Variants in CACHD1 observed in about 807,000 individuals in gnomAD.
CACHD1 encodes the protein cache domain containing 1.
Under a neutral mutation model 138.7 loss-of-function variants are expected in CACHD1, and 71 were observed. The observed-to-expected ratio is 0.51, with a 90% CI of 0.42 to 0.62. The LOEUF (loss-of-function observed/expected upper bound fraction) is 0.62. Among genes scored for constraint, CACHD1 ranks in the 20% least tolerant of loss-of-function variants. The pLI, the probability that CACHD1 is intolerant of heterozygous loss-of-function variation, is 0.00. For missense variants in CACHD1, 1,389 were observed against 1,625.3 expected, an observed-to-expected ratio of 0.85 and a Z score of 2.50; for synonymous variants, 578 against 591.5, an observed-to-expected ratio of 0.98 and a Z score of 0.33.
chr1:64,625,286 G>C (rs941094184), intron 4 of CACHD1, among the ~76,000 whole-genome samples: 4 of 152,126 alleles, frequency 2.6e-5, no homozygotes, highest in African/African-American at 7.2e-5. Context: ...ATAGACACTG[G>C]GGACTTGGAA....
At chr1:64,556,501 C>T (rs1646798107) in intron 2 of CACHD1, among the ~76,000 whole-genome samples, 1 of 151,976 alleles carries the variant, frequency 6.6e-6, no homozygotes, top group Admixed American at 6.6e-5. Flanking sequence ...GGGTTCTTGC[C>T]CTCCCTCTTT....
chr1:64,668,219 C>A (rs1001980314), intron 16 of CACHD1, among the ~76,000 whole-genome samples: 17 of 151,806 alleles, frequency 1.1e-4, no homozygotes, highest in East Asian at 1.9e-4. Context: ...CCCAGCTACT[C>A]AGGAGGCTGA....
intron 23 of CACHD1, among the ~76,000 whole-genome samples, chr1:64,678,791 G>T: frequency 6.6e-6 from 1 of 152,134 alleles, no homozygotes; most frequent in East Asian, 1.9e-4. Context: ...AGCTTAGGAT[G>T]AAGCACAAGG....
intron 1 of CACHD1, among the ~76,000 whole-genome samples, chr1:64,489,820 G>A (rs1314479086): frequency 1.3e-5 from 2 of 152,158 alleles, no homozygotes; most frequent in African/African-American, 4.8e-5. Flanking sequence ...TGGGTGTGTG[G>A]GGATGATAGA....
intron 1 of CACHD1, among the ~76,000 whole-genome samples, chr1:64,493,394 C>T (rs1355720995): frequency 2.6e-5 from 4 of 152,176 alleles, no homozygotes; most frequent in Admixed American, 2.0e-4. Flanking sequence ...TAGTCGAGCA[C>T]TTCACTTACC....
chr1:64,485,711 G>T (rs1484634098), intron 1 of CACHD1, among the ~76,000 whole-genome samples: 1 of 152,118 alleles, frequency 6.6e-6, no homozygotes, highest in East Asian at 1.9e-4. Context: ...CTCTTGAGTG[G>T]CTGTGACCAC....
chr1:64,649,306 C>T (rs537564829), intron 9 of CACHD1, among the ~76,000 whole-genome samples: 50 of 152,266 alleles, frequency 3.3e-4, no homozygotes, highest in African/African-American at 1.2e-3. Context: ...AAGCAGTCCT[C>T]CCACCTTTGC....
chr1:64,543,402 CATATATATAT>C lies in CACHD1; in HGVS notation c.199-7177_199-7168del, dbSNP rs140966471. Among the ~76,000 whole-genome samples the C allele has an allele frequency of 3.3e-4, 42 of 126,872 alleles. 6 individuals are homozygous for C. The highest frequency in any genetic ancestry group is 9.1e-4 in the African/African-American group (28 of 30,612). 83.2% of individuals were successfully genotyped at this position (126,872 alleles called of 152,430 possible). ...GAGATCCTATCTCTAAAAAAAAATA[CATATATATAT>C]ATATATATATATATTTAAATTAGCC... On this transcript the variant is annotated intron_variant, in intron 1 of 26. Coordinates refer to ENST00000651257, the MANE Select transcript of CACHD1 (RefSeq NM_020925.4).
rs2100727293 is a variant in CACHD1 at position 64,675,969 on chromosome 1, C to A, written c.2961C>A (p.Thr987=). ...TCAATGAGTGCACTGGCAACCTCAC[C>A]AATGCAGAGAACCGGTAAAATAATT... ...LEVNECTGNL[T]NAENRNPSCE... Residue 987 remains threonine, a synonymous_variant, in exon 21 of 27, where the codon ACC becomes ACA. Coordinates refer to ENST00000651257, the MANE Select transcript of CACHD1 (RefSeq NM_020925.4). The A allele has an allele frequency of 7.4e-7, 1 of 1,354,272 alleles. No homozygotes were observed. The allele number at this position is 1,354,272 out of a possible 1,614,324, so 83.9% of individuals were successfully genotyped here.
At chr1:64,523,392 T>TA (rs1646512631) in intron 1 of CACHD1, among the ~76,000 whole-genome samples, 1 of 152,244 alleles carries the variant, frequency 6.6e-6, no homozygotes, top group Non-Finnish European at 1.5e-5. Flanking sequence ...TTGTTTTTAA[T>TA]ATAGCATTGA....
chr1:64,496,302 T>C (rs1391797747), intron 1 of CACHD1, among the ~76,000 whole-genome samples: 1 of 152,120 alleles, frequency 6.6e-6, no homozygotes, highest in Non-Finnish European at 1.5e-5. Flanking sequence ...GTAGTAATAG[T>C]TGTAGTATTT....
At chr1:64,491,993 T>A (rs1162672333) in intron 1 of CACHD1, among the ~76,000 whole-genome samples, 1 of 152,076 alleles carries the variant, frequency 6.6e-6, no homozygotes, top group East Asian at 1.9e-4. Context: ...AGCTTTGCTG[T>A]GTTGAAATCA....
rs887758087 is a variant in CACHD1, at chr1:64,611,009, C to G, written c.517+8097C>G. Among the ~76,000 whole-genome samples the G allele has an allele frequency of 2.0e-5, 3 of 152,212 alleles. No individual in the cohort carries two copies. The East Asian group carries it at 5.8e-4, about 29-fold the overall frequency. On this transcript the variant is annotated intron_variant, in intron 4 of 26. Transcript: ENST00000651257. ...CCCACAGGCCCAACACCACATGGAA[C>G]CTGCCAAGACTTGGGGCTTGCATCC...
intron 2 of CACHD1, among the ~76,000 whole-genome samples, chr1:64,577,522 A>G (rs1646977815): frequency 6.6e-6 from 1 of 152,188 alleles, no homozygotes; most frequent in Non-Finnish European, 1.5e-5. Flanking sequence ...TGGGCTCTGA[A>G]GTCAGAATAT....
At chr1:64,637,288 G>A (rs533427914) in intron 7 of CACHD1, among the ~76,000 whole-genome samples, 2 of 152,316 alleles carry the variant, frequency 1.3e-5, no homozygotes, top group South Asian at 4.1e-4. Context: ...GTGAGCTGGG[G>A]GAAGGTAATG....
At chr1:64,617,576 A>G (rs1176100903) in intron 4 of CACHD1, among the ~76,000 whole-genome samples, 1 of 152,194 alleles carries the variant, frequency 6.6e-6, no homozygotes, top group African/African-American at 2.4e-5. Flanking sequence ...GTCTTAGACT[A>G]AAATAATAAC....
chr1:64,593,472 T>A (rs1275254859), intron 3 of CACHD1, among the ~76,000 whole-genome samples: 1 of 152,234 alleles, frequency 6.6e-6, no homozygotes, highest in Non-Finnish European at 1.5e-5. Flanking sequence ...TGCTTATAAC[T>A]TTTGTTCCTT....
chr1:64,495,945 G>T (rs1646304146), intron 1 of CACHD1, among the ~76,000 whole-genome samples: 1 of 152,042 alleles, frequency 6.6e-6, no homozygotes, highest in Admixed American at 6.6e-5. Flanking sequence ...TTGTTGGCTG[G>T]GACCTTGGTA....
intron 16 of CACHD1, among the ~76,000 whole-genome samples, chr1:64,669,994 A>G (rs1255876674): frequency 1.3e-5 from 2 of 152,218 alleles, no homozygotes; most frequent in Admixed American, 1.3e-4. Flanking sequence ...CTAATCTTCT[A>G]TTTATAAAAT....
Sources: gnomAD v4.1 joint callset for allele counts (sites outside exome capture counted in the v4.1 genomes callset) on GRCh38, gnomAD v4.1.1 for gene constraint, MANE v1.5 for transcripts, NCBI Gene and HGNC (gene_info 2026-07-23, HGNC 2026-07-21) for gene names.